Variants in DLC1 observed in about 807,000 individuals in gnomAD.
DLC1 encodes the protein DLC1 Rho GTPase activating protein, also known as rho GTPase-activating protein 7.
In DLC1, 54 loss-of-function variants were observed where a neutral mutation model predicts 140.3. The observed-to-expected ratio is 0.38, with a 90% CI of 0.31 to 0.48. DLC1 has a LOEUF of 0.48. Ranked by LOEUF, DLC1 falls within the 20% of genes least tolerant of loss-of-function variation. DLC1 has a pLI of 0.96. For missense variants in DLC1, 2,536 were observed against 1,907.0 expected, an observed-to-expected ratio of 1.33 and a Z score of -6.14; for synonymous variants, 986 against 728.1, an observed-to-expected ratio of 1.35 and a Z score of -5.70.
chr8:13,568,436 T>C (rs1351226640), intron 1 of DLC1: 1 of 157,500 alleles, frequency 6.3e-6, no homozygotes, highest in Admixed American at 6.4e-5. Flanking sequence ...ATTGACAGTT[T>C]GAAGAAACAT....
rs149538037 is a variant in DLC1 at position 13,205,775 on chromosome 8, C to T, written c.1349-90118G>A. Among the ~76,000 whole-genome samples the T allele has an allele frequency of 3.5e-3, 540 of 152,206 alleles. 4 individuals are homozygous for T. Among genetic ancestry groups the T allele is most frequent in the African/African-American group, 0.012 (510 of 41,536 alleles). On this transcript the variant is annotated intron_variant, in intron 5 of 17. Transcript: ENST00000276297. ...TCATTTATGGATGAACATAAGTAGA[C>T]ATAAGAGAGTTTAAAGACATATTAT...
chr8:13,149,107 A>G (rs1261137231), intron 5 of DLC1, among the ~76,000 whole-genome samples: 1 of 152,084 alleles, frequency 6.6e-6, no homozygotes, highest in Admixed American at 6.5e-5. Flanking sequence ...TATTTTTATG[A>G]TACTGTTTGG....
In DLC1 at chr8:13,266,836, AGAAGG is replaced by A. The variant is rs989197993; in HGVS notation, c.1348+38428_1348+38432del. Among the ~76,000 whole-genome samples, 13 of 152,096 alleles carry A rather than the reference AGAAGG, an allele frequency of 8.5e-5. 1 individual carries two copies. Among genetic ancestry groups the A allele is most frequent in the Non-Finnish European group, 2.9e-5 (2 of 68,050 alleles). On this transcript the variant is annotated intron_variant, in intron 5 of 17. Transcript: ENST00000276297. ...ACTGTTAGAAACTGAAATAAAATTT[AGAAGG>A]CCTGATAATAACATTAGAAGGCCTG... is the stretch of plus-strand genomic sequence containing the variant.
rs375105687 is a variant in DLC1 at position 13,539,185 on chromosome 8, G to GTGTATGTATGTA, written c.-125-39001_-125-38990dup. On this transcript the variant is annotated intron_variant, in intron 1 of 1. Transcript: ENST00000631382. ...GTAGATCTGCAAATTGTATGTATGT[G>GTGTATGTATGTA]TGTATGTATGTATGTATGTATGTAT... Among the ~76,000 whole-genome samples the GTGTATGTATGTA allele has an allele frequency of 3.3e-3, 496 of 151,468 alleles. 2 individuals are homozygous for GTGTATGTATGTA. The highest frequency in any genetic ancestry group is 8.3e-3 in the Admixed American group (127 of 15,246).
At chr8:13,399,782 T>C (rs937221001) in intron 3 of DLC1, among the ~76,000 whole-genome samples, 1 of 152,244 alleles carries the variant, frequency 6.6e-6, no homozygotes, top group African/African-American at 2.4e-5. Flanking sequence ...GACTATATTA[T>C]TCTTGATAAT....
At chr8:13,502,943 C>G (rs1460213223) in intron 1 of DLC1, among the ~76,000 whole-genome samples, 2 of 152,164 alleles carry the variant, frequency 1.3e-5, no homozygotes, top group Non-Finnish European at 2.9e-5. Context: ...ATTAACATCA[C>G]AAGAGACTGT....
intron 1 of DLC1, among the ~76,000 whole-genome samples, chr8:13,507,274 T>A (rs780002347): frequency 1.3e-5 from 2 of 152,212 alleles, no homozygotes; most frequent in Non-Finnish European, 2.9e-5. Flanking sequence ...TGACTTGACA[T>A]ATGCTTAGAA....
chr8:13,574,368 T>G (rs1173682641), intron 1 of DLC1, among the ~76,000 whole-genome samples: 1 of 152,188 alleles, frequency 6.6e-6, no homozygotes, highest in African/African-American at 2.4e-5. Context: ...TGAAATGGGA[T>G]AAAAATTCTT....
At chr8:13,091,236 GAC>G in intron 14 of DLC1, 80 bp downstream of exon 14, 1 of 1,365,380 alleles carries the variant, frequency 7.3e-7, no homozygotes, top group Non-Finnish European at 1.0e-6. Flanking sequence ...CTTCAGGTAA[GAC>G]ATGAACAAGG....
chr8:13,218,064 T>G (rs1373837434), intron 5 of DLC1, among the ~76,000 whole-genome samples: 1 of 151,888 alleles, frequency 6.6e-6, no homozygotes, highest in African/African-American at 2.4e-5. Flanking sequence ...ATGTATCAAA[T>G]CACAACAAAA....
chr8:13,562,022 G>A (rs755205905), intron 1 of DLC1, among the ~76,000 whole-genome samples: 1 of 152,244 alleles, frequency 6.6e-6, no homozygotes, highest in Admixed American at 6.5e-5. Flanking sequence ...GTTACGGGTA[G>A]GTTGAAGGTA....
chr8:13,341,029 G>C (rs1834019260), intron 4 of DLC1: 1 of 152,186 alleles, frequency 6.6e-6, no homozygotes, highest in African/African-American at 2.4e-5. Context: ...TCAATATTGA[G>C]ACTCATGGTG....
At chr8:13,170,855 A>T (rs151019062) in intron 5 of DLC1, among the ~76,000 whole-genome samples, 2 of 152,264 alleles carry the variant, frequency 1.3e-5, no homozygotes, top group African/African-American at 4.8e-5. Context: ...AGAAGAATGG[A>T]AGAGGTGTTC....
chr8:13,299,214 G>C (rs568669083), intron 5 of DLC1, among the ~76,000 whole-genome samples: 36 of 151,992 alleles, frequency 2.4e-4, no homozygotes, highest in African/African-American at 8.7e-4. Context: ...AGGCCAAGGC[G>C]GGTGGATCCC....
chr8:13,347,987 G>A (rs1193896699), intron 4 of DLC1, among the ~76,000 whole-genome samples: 2 of 152,122 alleles, frequency 1.3e-5, no homozygotes, highest in African/African-American at 4.8e-5. Context: ...TACTTGGGAG[G>A]TGGAGGCAGG....
At chr8:13,472,731 C>T (rs946109374) in intron 2 of DLC1, among the ~76,000 whole-genome samples, 1 of 152,166 alleles carries the variant, frequency 6.6e-6, no homozygotes, top group African/African-American at 2.4e-5. Flanking sequence ...AGGGATTCCC[C>T]ATTCAGAAGA....
intron 5 of DLC1, among the ~76,000 whole-genome samples, chr8:13,258,187 A>C (rs1407814335): frequency 1.3e-5 from 2 of 152,194 alleles, no homozygotes; most frequent in African/African-American, 4.8e-5. Context: ...TCTAAGCGTC[A>C]CACTCGGAAC....
At chr8:13,446,013 G>A (rs1798758174) in intron 2 of DLC1, among the ~76,000 whole-genome samples, 2 of 152,150 alleles carry the variant, frequency 1.3e-5, no homozygotes, top group South Asian at 2.1e-4. Flanking sequence ...CTGAAATAGT[G>A]ATCAGCTCAC....
intron 5 of DLC1, among the ~76,000 whole-genome samples, chr8:13,248,582 T>A (rs1205053545): frequency 6.6e-6 from 1 of 152,130 alleles, no homozygotes; most frequent in East Asian, 1.9e-4. Context: ...GGAGGCAAAG[T>A]CTCTGCGGAC....
Sources: gnomAD v4.1 joint callset for allele counts (sites outside exome capture counted in the v4.1 genomes callset) on GRCh38, gnomAD v4.1.1 for gene constraint, MANE v1.5 for transcripts, NCBI Gene and HGNC (gene_info 2026-07-23, HGNC 2026-07-21) for gene names.